SYNJ2: variants seen among roughly 807,000 people sequenced by gnomAD.
The protein encoded by SYNJ2 is synaptojanin 2.
Under a neutral mutation model 141.3 loss-of-function variants are expected in SYNJ2, and 116 were observed. The ratio of observed to expected loss-of-function variants is 0.82; its 90% CI spans 0.71 to 0.96. The LOEUF (loss-of-function observed/expected upper bound fraction) is 0.96. SYNJ2 is among the 40% of genes least tolerant of loss of function. SYNJ2 has a pLI of 0.00. For missense variants in SYNJ2, 1,873 were observed against 1,934.8 expected (o/e 0.97, Z 0.60); for synonymous variants, 745 against 777.7 (o/e 0.96, Z 0.70).
rs538212189 is a variant in SYNJ2, at chr6:158,006,711, C to A, written c.128-10493C>A. 2.6e-5 allele frequency among the ~76,000 whole-genome samples: 4 copies of A among 152,320 alleles called. No individual in the cohort carries two copies. The East Asian group carries it at 7.7e-4, about 29-fold the overall frequency. ...TGTTTGAGACGGAGTCTCACTCTGTCGCCCTGGCTGGAGTGCAGTGGTGCG... is the reference window on the plus strand; with the variant it reads ...TGTTTGAGACGGAGTCTCACTCTGTAGCCCTGGCTGGAGTGCAGTGGTGCG... On this transcript the variant is annotated intron_variant, in intron 1 of 26. Coordinates refer to ENST00000355585, the MANE Select transcript of SYNJ2 (RefSeq NM_003898.4).
At chr6:158,037,906 C>G (rs1191106264) in intron 4 of SYNJ2, among the ~76,000 whole-genome samples, 2 of 152,254 alleles carry the variant, frequency 1.3e-5, no homozygotes, top group African/African-American at 4.8e-5. Flanking sequence ...TCTTTGCTTT[C>G]TCACTTTTAC....
Position 158,080,519 on chromosome 6 carries a change from T to TC in SYNJ2, c.2568-587dup, listed in dbSNP as rs375932790. Among the ~76,000 whole-genome samples, 808 of 146,610 alleles carry TC rather than the reference T, an allele frequency of 5.5e-3. 1 individual carries two copies. Among genetic ancestry groups the TC allele is most frequent in the African/African-American group, 0.015 (614 of 39,912 alleles). On this transcript the variant is annotated intron_variant, in intron 18 of 26. Coordinates refer to ENST00000355585, the MANE Select transcript of SYNJ2 (RefSeq NM_003898.4). ...AAACGAGCATTTCCCTTTTTTTTTTTCCCTCCCATCAACAATGCTGTAAAT... is the reference window on the plus strand; with the variant it reads ...AAACGAGCATTTCCCTTTTTTTTTTTCCCCTCCCATCAACAATGCTGTAAAT...
rs542166490 is a variant in SYNJ2 at position 158,067,933 on chromosome 6, C to T, written c.1718-714C>T. On this transcript the variant is annotated intron_variant, in intron 12 of 26. Transcript: ENST00000355585. ...TCAAGAGCCGTCCCTCCAGTCCCCACGAAAGTGACTCCTCTTCTTTTCCCT... is the reference window on the plus strand; with the variant it reads ...TCAAGAGCCGTCCCTCCAGTCCCCATGAAAGTGACTCCTCTTCTTTTCCCT... 2.6e-5 allele frequency: 26 copies of T among 985,240 alleles called. No homozygotes were observed. The Admixed American group carries it at 6.8e-4, about 26-fold the overall frequency. 61.0% of individuals were successfully genotyped at this position (985,240 alleles called of 1,614,324 possible). A position where few individuals can be genotyped will look rare whatever the true frequency, so the allele number is the denominator to read the frequency against.
intron 17 of SYNJ2, 79 bp from the exon 18 acceptor site, chr6:158,078,085 T>G (rs1356140603): frequency 1.1e-6 from 1 of 924,086 alleles, no homozygotes; most frequent in Non-Finnish European, 1.8e-6. Context: ...CAGACCTCTA[T>G]TGTGGAAGTG....
chr6:157,995,881 C>G (rs547695752), intron 1 of SYNJ2, among the ~76,000 whole-genome samples: 10 of 152,304 alleles, frequency 6.6e-5, no homozygotes. Flanking sequence ...CACTCCCCCA[C>G]AGTTTCTGGG....
intron 1 of SYNJ2, among the ~76,000 whole-genome samples, chr6:157,990,962 A>G (rs1027841246): frequency 4.6e-5 from 7 of 152,228 alleles, no homozygotes; most frequent in Admixed American, 1.3e-4. Flanking sequence ...ACCTTGGGCA[A>G]TGGGACAGCC....
chr6:158,050,475 G>A (rs925512327), intron 5 of SYNJ2, among the ~76,000 whole-genome samples: 1 of 152,254 alleles, frequency 6.6e-6, no homozygotes, highest in African/African-American at 2.4e-5. Flanking sequence ...AGAAAGGTTT[G>A]TTGTCAGCAG....
intron 2 of SYNJ2, among the ~76,000 whole-genome samples, chr6:158,024,207 T>C (rs561918536): frequency 3.6e-4 from 55 of 152,158 alleles, no homozygotes; most frequent in Admixed American, 2.6e-3. Context: ...GGCGGACCAC[T>C]AGAGGTCAGG....
chr6:158,068,389 G>T (rs1411844284), intron 12 of SYNJ2, among the ~76,000 whole-genome samples: 1 of 152,184 alleles, frequency 6.6e-6, no homozygotes, highest in Admixed American at 6.5e-5. Context: ...TGGCTACAAG[G>T]TTATATTAAA....
At chr6:157,981,447 C>T (rs112729608), upstream of SYNJ2, among the ~76,000 whole-genome samples, 2 of 152,348 alleles carry the variant, frequency 1.3e-5, no homozygotes, top group African/African-American at 4.8e-5. This position sits in a 1 kb window ranked among gnomAD's most constrained non-coding sequence, Gnocchi z 6.4. Flanking sequence ...CACGCAGGGT[C>T]GAAAGGACTC....
At chr6:158,033,007 TATG>T (rs1251872421) in intron 3 of SYNJ2, among the ~76,000 whole-genome samples, 2 of 152,246 alleles carry the variant, frequency 1.3e-5, no homozygotes, top group Admixed American at 1.3e-4. Flanking sequence ...CCATATTTAA[TATG>T]ATTTTTAATC....
intron 1 of SYNJ2, among the ~76,000 whole-genome samples, chr6:158,013,713 T>C (rs1261625994): frequency 6.6e-6 from 1 of 152,246 alleles, no homozygotes; most frequent in Non-Finnish European, 1.5e-5. Context: ...ATGAGCCTTT[T>C]CCCAGCTGAA....
At chr6:158,077,489 T>G (rs4596514) in intron 17 of SYNJ2, among the ~76,000 whole-genome samples, 58 of 152,268 alleles carry the variant, frequency 3.8e-4, no homozygotes, top group African/African-American at 1.1e-3. Flanking sequence ...GCTACACTTT[T>G]ACCTGCTTAA....
In SYNJ2 at chr6:158,029,042, C is replaced by CCCTGCAGAGGGGGGGCCCTGGGTCT. The variant is rs1779214383; in HGVS notation, c.485+27_485+28insGGGGCCCTGGGTCTCCTGCAGAGGG. 1.3e-6 allele frequency: 2 copies of CCCTGCAGAGGGGGGGCCCTGGGTCT among 1,560,824 alleles called. No homozygotes were observed. The highest frequency in any genetic ancestry group is 2.3e-5 in the East Asian group (1 of 44,224). On this transcript the variant is annotated intron_variant, in intron 3 of 26. Transcript: ENST00000355585. Reference sequence around the variant, plus strand: ...CCTTCTTCTGGTGAGGCCCTGGGTCCCCTGCAGAGGGTGGGCCCTGGGTCT... The same window carrying CCCTGCAGAGGGGGGGCCCTGGGTCT: ...CCTTCTTCTGGTGAGGCCCTGGGTCCCCTGCAGAGGGGGGGCCCTGGGTCTCCTGCAGAGGGTGGGCCCTGGGTCT...
chr6:158,009,019 G>A (rs892669362), intron 1 of SYNJ2, among the ~76,000 whole-genome samples: 3 of 152,132 alleles, frequency 2.0e-5, no homozygotes, highest in Non-Finnish European at 2.9e-5. Flanking sequence ...TGCTTCTGCC[G>A]CAGGACCTTT....
At chr6:158,058,892 C>T (rs1781032663) in intron 6 of SYNJ2, among the ~76,000 whole-genome samples, 1 of 152,198 alleles carries the variant, frequency 6.6e-6, no homozygotes, top group South Asian at 2.1e-4. Context: ...ATGATCGTGC[C>T]ACTGCACTCT....
Position 158,081,238 on chromosome 6 carries a change from G to C in SYNJ2, c.2697G>C (p.Pro899=). 6.2e-7 allele frequency: 1 copy of C among 1,614,110 alleles called. No homozygotes were observed. The highest frequency in any genetic ancestry group is 8.5e-7 in the Non-Finnish European group (1 of 1,180,026). The change falls in exon 19 of 27, where the codon CCG becomes CCC. Residue 899 remains proline (P), a synonymous_variant. Transcript: ENST00000355585. The part of the protein sequence containing the change: ...DATVVVNLQS[P]TLEEKNEFPE... ...CTGTTGTAGTAAACCTTCAATCACC[G>C]ACCTTAGAAGAGAAAAACGAGTTTC... is the stretch of plus-strand genomic sequence containing the variant.
chr6:158,094,237 A>T (rs535183686), intron 26 of SYNJ2: 38 of 448,384 alleles, frequency 8.5e-5, no homozygotes, highest in African/African-American at 6.9e-4. Context: ...CCCTGTTCAG[A>T]TGCTCCTCGA....
rs199914990 is a variant in SYNJ2 at position 158,064,940 on chromosome 6, G to A, written c.1474G>A (p.Glu492Lys). 38 of 1,612,554 alleles carry A rather than the reference G, an allele frequency of 2.4e-5. No homozygotes were observed. Among genetic ancestry groups the A allele is most frequent in the Non-Finnish European group, 2.8e-5 (33 of 1,179,314 alleles). Reference protein sequence around the residue: ...KLLLVGDVYGEEVADKGGMLL... With the variant: ...KLLLVGDVYGKEVADKGGMLL... Reference sequence around the variant, plus strand: ...GCTGCTGGTTGGGGACGTCTACGGCGAGGAGGTGGCAGACAAAGGGGGCAT... The same window carrying A: ...GCTGCTGGTTGGGGACGTCTACGGCAAGGAGGTGGCAGACAAAGGGGGCAT... Residue 492 changes from glutamate to lysine, a missense_variant, in exon 11 of 27, where the codon GAG (glutamate) becomes AAG (lysine). Transcript: ENST00000355585.
Sources: allele counts gnomAD v4.1 joint callset (sites outside exome capture counted in the v4.1 genomes callset), GRCh38; gene constraint gnomAD v4.1.1; non-coding constraint Gnocchi (gnomAD v3.1); transcripts MANE v1.5; gene names NCBI Gene and HGNC (gene_info 2026-07-23, HGNC 2026-07-21).